Variants in LYST observed in about 807,000 individuals in gnomAD.
The protein encoded by LYST is lysosomal-trafficking regulator.
Under a neutral mutation model 413.6 loss-of-function variants are expected in LYST, and 192 were observed. The ratio of observed to expected loss-of-function variants is 0.46; its 90% CI spans 0.41 to 0.52. The LOEUF is 0.52. Ranked by LOEUF, LYST falls within the 20% of genes least tolerant of loss-of-function variation. LYST has a pLI of 0.00. For synonymous variants in LYST, 1,525 were observed against 1,567.3 expected (o/e 0.97, Z 0.64); for missense variants, 3,815 against 4,499.9 (o/e 0.85, Z 4.35).
rs1673230454 is a variant in LYST at position 235,809,559 on chromosome 1, G to A, written c.1259C>T (p.Ala420Val). Residue 420 changes from alanine to valine, a missense_variant, in exon 5 of 53, where the codon GCT becomes GTT. Around this residue, in one of 4 missense-constraint regions of LYST, gnomAD observed 1,648 missense variants for 1,810.3 expected, o/e 0.91. Transcript: ENST00000389793. The surrounding 1 kb of genome is among the most constrained non-coding windows in gnomAD (Gnocchi z 4.0). ...QILICCLQSA[A>V]SNPFYFSQAM... ...TTGACTGAAGTAGAAGGGATTTGAA[G>A]CTGCACTTTGAAGACAACAGATCAG... 1.2e-6 allele frequency: 2 copies of A among 1,613,938 alleles called. No individual in the cohort carries two copies. Among genetic ancestry groups the A allele is most frequent in the Admixed American group, 3.3e-5 (2 of 59,982 alleles).
intron 1 of LYST, among the ~76,000 whole-genome samples, chr1:235,861,063 G>C (rs1679808360): frequency 6.6e-6 from 1 of 151,726 alleles, no homozygotes; most frequent in African/African-American, 2.4e-5. Context: ...GTAGTAATCT[G>C]TTATATAAAC....
intron 50 of LYST, among the ~76,000 whole-genome samples, chr1:235,665,779 C>A (rs555585727): frequency 6.6e-6 from 1 of 151,910 alleles, no homozygotes; most frequent in Admixed American, 6.6e-5. Flanking sequence ...TTTTTCTTTT[C>A]AAAGATTACA....
At chr1:235,772,746 C>A (rs1017683065) in intron 19 of LYST, among the ~76,000 whole-genome samples, 8 of 152,178 alleles carry the variant, frequency 5.3e-5, no homozygotes, top group African/African-American at 1.9e-4. Context: ...CCATTTCCCT[C>A]TCCTGGACCT....
intron 37 of LYST, among the ~76,000 whole-genome samples, chr1:235,728,824 AGCTC>A (rs760102615): frequency 2.0e-5 from 3 of 152,148 alleles, no homozygotes; most frequent in Non-Finnish European, 4.4e-5. Context: ...GCAGGCTTGA[AGCTC>A]CATATCTTGG....
chr1:235,882,437 T>C (rs1681420947), intron 1 of LYST, among the ~76,000 whole-genome samples: 1 of 152,190 alleles, frequency 6.6e-6, no homozygotes, highest in South Asian at 2.1e-4. Context: ...CTGGAGTCCA[T>C]TAAGCTGGAT....
intron 19 of LYST, among the ~76,000 whole-genome samples, chr1:235,772,706 C>T (rs1464607315): frequency 6.6e-5 from 10 of 152,140 alleles, no homozygotes; most frequent in African/African-American, 2.4e-4. Context: ...TAACTCCTGG[C>T]CAGCATGGCT....
At chr1:235,811,797 C>T (rs184377930) in intron 4 of LYST, among the ~76,000 whole-genome samples, 1 of 152,052 alleles carries the variant, frequency 6.6e-6, no homozygotes, top group East Asian at 1.9e-4. Flanking sequence ...GCAAAAGATG[C>T]AGACAATGAA....
intron 34 of LYST, among the ~76,000 whole-genome samples, chr1:235,732,722 C>T (rs542808341): frequency 2.3e-4 from 35 of 152,192 alleles, no homozygotes; most frequent in Admixed American, 1.4e-3. Context: ...AATATTTTCC[C>T]GTGTGTTTGG....
In LYST at chr1:235,802,996, C is replaced by G; in HGVS notation, c.3624G>C (p.Gln1208His). ...CAACTAAAAGTTTAAAACTACAACA[C>G]TGAGAATCCTCAGCTTCTTCTGAAA... ...GDFSEEAEDS[Q>H]CCSFKLLVEE... The change falls in exon 8 of 53, where the codon CAG becomes CAC. Residue 1208 changes from glutamine (Q) to histidine (H), a missense_variant. Gln to His is a conservative substitution (Grantham distance 24, BLOSUM62 0). Coordinates refer to ENST00000389793, the MANE Select transcript of LYST (RefSeq NM_000081.4). 6.2e-7 allele frequency: 1 copy of G among 1,613,340 alleles called. No individual in the cohort carries two copies.
chr1:235,805,940 C>CTAA lies in LYST; in HGVS notation c.3193_3195dup (p.Leu1065dup). 9 of 1,613,846 alleles carry CTAA rather than the reference C, an allele frequency of 5.6e-6. No individual in the cohort carries two copies. Among genetic ancestry groups the CTAA allele is most frequent in the Non-Finnish European group, 7.6e-6 (9 of 1,179,840 alleles). Reference sequence around the variant, plus strand: ...TTTATGGAAGAAATATGCTGTAACTCTAATTTACCTAAACTGTCAGCACTC... The same window carrying CTAA: ...TTTATGGAAGAAATATGCTGTAACTCTAATAATTTACCTAAACTGTCAGCACTC... On this transcript the variant is annotated inframe_insertion, in exon 6 of 53. Coordinates refer to ENST00000389793, the MANE Select transcript of LYST (RefSeq NM_000081.4).
At chr1:235,721,007 T>C (rs1663313196) in intron 39 of LYST, 102 bp from the exon 40 acceptor site, 2 of 1,212,830 alleles carry the variant, frequency 1.6e-6, no homozygotes, top group African/African-American at 1.5e-5. Context: ...ACAAATCTCA[T>C]GTCCTCCAAA....
At position 235,804,517 on chromosome 1, in the gene LYST, G is replaced by A. The variant is rs1672596731; in HGVS notation, c.3542C>T (p.Ala1181Val). The change falls in exon 7 of 53, where the codon GCT (alanine) becomes GTT (valine). Residue 1181 changes from alanine (A) to valine (V), a missense_variant. Physicochemically the swap from Ala to Val is moderately conservative, Grantham distance 64. Around this residue, in one of 4 missense-constraint regions of LYST, gnomAD observed 1,648 missense variants for 1,810.3 expected, o/e 0.91. Transcript: ENST00000389793. The stretch of plus-strand genomic sequence containing the variant: ...TGTTATTCATACCTTCTCAGTCATA[G>A]CATCATTATGTTCAAAATCTGCTGA... ...NYSADFEHND[A>V]MTEKSHQSAE... 1 of 1,613,332 alleles carries A rather than the reference G, an allele frequency of 6.2e-7. No homozygotes were observed. The highest frequency in any genetic ancestry group is 1.3e-5 in the African/African-American group (1 of 75,024).
chr1:235,798,578 T>TAAAAAAAAAAAAAAAAAA (rs71174462), intron 10 of LYST, among the ~76,000 whole-genome samples: 9 of 81,706 alleles, frequency 1.1e-4, no homozygotes, highest in Non-Finnish European at 1.4e-4. Context: ...AACCCTGTCA[T>TAAAAAAAAAAAAAAAAAA]AAAAAAAAAA....
At chr1:235,699,561 T>C (rs1471909096) in intron 45 of LYST, among the ~76,000 whole-genome samples, 1 of 151,716 alleles carries the variant, frequency 6.6e-6, no homozygotes, top group Non-Finnish European at 1.5e-5. Context: ...GTCTTTAGAG[T>C]AGAATGATTT....
intron 28 of LYST, chr1:235,747,332 CT>C (rs1322959503): frequency 2.5e-6 from 1 of 402,002 alleles, no homozygotes; most frequent in South Asian, 1.8e-5. Flanking sequence ...GGAATTGAAC[CT>C]TTGTTTTAAA....
In LYST at chr1:235,810,448, A is replaced by T; in HGVS notation, c.370T>A (p.Leu124Ile). The T allele has an allele frequency of 1.2e-6, 2 of 1,609,876 alleles. No individual in the cohort carries two copies. Among genetic ancestry groups the T allele is most frequent in the Non-Finnish European group, 1.7e-6 (2 of 1,178,926 alleles). ...TGACTAGACAGGGCACTTCCTTCTAAATGTAATTTTTCCTGAGTGGATCTT... is the reference window on the plus strand; with the variant it reads ...TGACTAGACAGGGCACTTCCTTCTATATGTAATTTTTCCTGAGTGGATCTT... The part of the protein sequence containing the change: ...SQRSTQEKLH[L>I]EGSALSSQVS... The change falls in exon 5 of 53, where the codon TTA becomes ATA. Residue 124 changes from leucine (L) to isoleucine (I), a missense_variant. This residue lies in a region of LYST where 1,648 missense variants were observed against 1,810.3 expected (regional missense o/e 0.91). Coordinates refer to ENST00000389793, the MANE Select transcript of LYST (RefSeq NM_000081.4).
chr1:235,786,370 A>T (rs536507450), intron 14 of LYST, among the ~76,000 whole-genome samples: 3 of 152,322 alleles, frequency 2.0e-5, no homozygotes, highest in East Asian at 3.9e-4. Flanking sequence ...CACCAGTTAG[A>T]ATGGCAATCA....
rs573006829 is a variant in LYST, at chr1:235,766,096, T to C, written c.6104A>G (p.Tyr2035Cys). Residue 2035 changes from tyrosine to cysteine, a missense_variant, in exon 21 of 53, where the codon TAC becomes TGC. By Grantham distance (194) the Tyr-to-Cys change is radical (BLOSUM62 -2). Around this residue, in one of 4 missense-constraint regions of LYST, gnomAD observed 530 missense variants for 696.5 expected, o/e 0.76. Transcript: ENST00000389793. Reference protein sequence around the residue: ...TYVCHNPTNFYFSLHIDGKIF... With the variant: ...TYVCHNPTNFCFSLHIDGKIF... ...ATACCTACCTATGTGCAAAGAAAAG[T>C]AGAAGTTCGTGGGATTGTGACAAAC... 3.1e-6 allele frequency: 5 copies of C among 1,613,094 alleles called. No individual in the cohort carries two copies. Among genetic ancestry groups the C allele is most frequent in the African/African-American group, 2.7e-5 (2 of 74,996 alleles).
chr1:235,808,915 C>T lies in LYST; in HGVS notation c.1903G>A (p.Ala635Thr), dbSNP rs200044710. The T allele has an allele frequency of 2.2e-5, 35 of 1,612,404 alleles. No individual in the cohort carries two copies. In the Admixed American group the frequency reaches 2.3e-4, roughly 11 times the overall value. The change falls in exon 5 of 53, where the codon GCA becomes ACA. Residue 635 changes from alanine to threonine, a missense_variant. Coordinates refer to ENST00000389793, the MANE Select transcript of LYST (RefSeq NM_000081.4). ...TCAACAGTACAAATATTACAAGCTG[C>T]TTTTTTAATTTTTGGTGATATCTCT... The part of the protein sequence containing the change: ...GAEISPKIKK[A>T]ACNICTVDSD...
Sources: allele counts gnomAD v4.1 joint callset (sites outside exome capture counted in the v4.1 genomes callset), GRCh38; gene constraint gnomAD v4.1.1; regional missense constraint gnomAD v4.1.1; non-coding constraint Gnocchi (gnomAD v3.1); transcripts MANE v1.5; gene names NCBI Gene and HGNC (gene_info 2026-07-23, HGNC 2026-07-21).